The following KCNH8 variants were observed in gnomAD, a reference collection of about 807,000 sequenced individuals.
The protein encoded by KCNH8 is voltage-gated delayed rectifier potassium channel KCNH8.
KCNH8 carries 70 observed loss-of-function variants against 103.6 expected under a neutral mutation model. That is an observed-to-expected ratio of 0.68 (90% CI 0.56 to 0.82). The LOEUF (loss-of-function observed/expected upper bound fraction) is 0.82, where lower values mean the gene tolerates loss of function less well. KCNH8 is among the 40% of genes least tolerant of loss of function. KCNH8 has a pLI of 0.00. For synonymous variants in KCNH8, 498 were observed against 489.4 expected, an observed-to-expected ratio of 1.02 and a Z score of -0.23; for missense variants, 1,217 against 1,329.9, an observed-to-expected ratio of 0.92 and a Z score of 1.32.
intron 3 of KCNH8, among the ~76,000 whole-genome samples, chr3:19,328,335 T>C (rs189081556): frequency 5.3e-5 from 8 of 152,302 alleles, no homozygotes; most frequent in African/African-American, 1.9e-4. Context: ...ATGTTTCTGA[T>C]GGTTATTAAT....
At chr3:19,190,976 A>G (rs2063546717) in intron 1 of KCNH8, among the ~76,000 whole-genome samples, 1 of 151,916 alleles carries the variant, frequency 6.6e-6, no homozygotes, top group African/African-American at 2.4e-5. Flanking sequence ...TGTTGGTCAC[A>G]TACTTTAATT....
At chr3:19,161,558 A>G (rs552701232) in intron 1 of KCNH8, among the ~76,000 whole-genome samples, 2 of 152,200 alleles carry the variant, frequency 1.3e-5, no homozygotes, top group Non-Finnish European at 2.9e-5. Context: ...AACTTTAATA[A>G]TGGTTGAACT....
chr3:19,451,219 T>TA lies in KCNH8; in HGVS notation c.1641dup (p.Gln548ThrfsTer6), dbSNP rs2067442661. 2 of 1,613,736 alleles carry TA rather than the reference T, an allele frequency of 1.2e-6. No homozygotes were observed. The highest frequency in any genetic ancestry group is 1.7e-6 in the Non-Finnish European group (2 of 1,179,774). ...ACTATGCACTTGAACAAGGAGATCT[T>TA]ACAGTTGTCCCTTTTTGAATGTGCC... On this transcript the variant is annotated frameshift_variant, in exon 10 of 16. Transcript: ENST00000328405. LOFTEE classifies it high-confidence loss of function.
intron 7 of KCNH8, among the ~76,000 whole-genome samples, chr3:19,417,408 C>T (rs953349580): frequency 6.6e-6 from 1 of 151,368 alleles, no homozygotes; most frequent in African/African-American, 2.4e-5. Flanking sequence ...GTTATCTACC[C>T]ATAAAAGGCC....
Position 19,174,784 on chromosome 3 carries a change from G to A in KCNH8, c.76+25989G>A, listed in dbSNP as rs192971596. 2.6e-5 allele frequency among the ~76,000 whole-genome samples: 4 copies of A among 152,268 alleles called. No individual in the cohort carries two copies. In the East Asian group the frequency reaches 7.7e-4, roughly 29 times the overall value. On this transcript the variant is annotated intron_variant, in intron 1 of 15. Coordinates refer to ENST00000328405, the MANE Select transcript of KCNH8 (RefSeq NM_144633.3). ...TTAAAGTCTGGAGGGTTAAAAAGAA[G>A]AAATATATGCAATTTAAAATATTTT...
At position 19,327,983 on chromosome 3, in the gene KCNH8, A is replaced by G. The variant is rs910986654; in HGVS notation, c.443-14604A>G. ...TTAACTGAAACTTAAGAGATGCTCA[A>G]TAAGTGTTACTTTATTTCTTCCTGT... On this transcript the variant is annotated intron_variant, in intron 3 of 15. Transcript: ENST00000328405. 2.6e-5 allele frequency among the ~76,000 whole-genome samples: 4 copies of G among 152,352 alleles called. No individual in the cohort carries two copies. The East Asian group carries it at 7.7e-4, about 29-fold the overall frequency.
chr3:19,375,406 G>T (rs2066178033), intron 5 of KCNH8, among the ~76,000 whole-genome samples: 1 of 151,068 alleles, frequency 6.6e-6, no homozygotes, highest in East Asian at 1.9e-4. Context: ...ATCGGCTCCT[G>T]AGGCTTCTGC....
At chr3:19,410,553 C>T (rs919355114) in intron 7 of KCNH8, among the ~76,000 whole-genome samples, 1 of 151,784 alleles carries the variant, frequency 6.6e-6, no homozygotes, top group Non-Finnish European at 1.5e-5. Flanking sequence ...CGGAGTGGAA[C>T]TGAATAAAAT....
intron 2 of KCNH8, among the ~76,000 whole-genome samples, chr3:19,272,802 T>G (rs959843216): frequency 3.3e-5 from 5 of 152,178 alleles, no homozygotes; most frequent in Admixed American, 1.3e-4. Flanking sequence ...TCCTTTTTCT[T>G]TTTTCCTATA....
chr3:19,382,778 A>G (rs1298017250), intron 5 of KCNH8, among the ~76,000 whole-genome samples: 1 of 152,132 alleles, frequency 6.6e-6, no homozygotes, highest in Non-Finnish European at 1.5e-5. Flanking sequence ...CTTTACAAAA[A>G]CACCTATCAG....
chr3:19,222,141 G>A (rs183438450), intron 1 of KCNH8, among the ~76,000 whole-genome samples: 2 of 152,120 alleles, frequency 1.3e-5, no homozygotes, highest in African/African-American at 2.4e-5. Flanking sequence ...GAGCCACTGC[G>A]CCCGGCCTAG....
chr3:19,317,172 G>A (rs2065285323), intron 3 of KCNH8, among the ~76,000 whole-genome samples: 1 of 151,778 alleles, frequency 6.6e-6, no homozygotes, highest in Non-Finnish European at 1.5e-5. Flanking sequence ...GTAAGACATT[G>A]GAGAATACTA....
intron 1 of KCNH8, among the ~76,000 whole-genome samples, chr3:19,172,916 C>T (rs1010730034): frequency 3.9e-5 from 6 of 151,918 alleles, no homozygotes; most frequent in African/African-American, 1.5e-4. Flanking sequence ...ATCTGCTTAC[C>T]TATATGCCTT....
chr3:19,160,050 A>T (rs1005935497), intron 1 of KCNH8, among the ~76,000 whole-genome samples: 2 of 152,122 alleles, frequency 1.3e-5, no homozygotes, highest in Admixed American at 6.5e-5. Context: ...TTTCTAAGAA[A>T]ATTGATGATG....
intron 5 of KCNH8, among the ~76,000 whole-genome samples, chr3:19,349,818 T>C (rs1001144974): frequency 6.6e-6 from 1 of 152,138 alleles, no homozygotes; most frequent in African/African-American, 2.4e-5. Flanking sequence ...TAAATTCTTC[T>C]GTGTTTTTTA....
intron 11 of KCNH8, among the ~76,000 whole-genome samples, chr3:19,472,235 TG>T (rs2067875782): frequency 4.1e-5 from 6 of 146,888 alleles, no homozygotes; most frequent in African/African-American, 1.6e-4. Flanking sequence ...TGTGTGTGTG[TG>T]TGTGTGTGTG....
intron 2 of KCNH8, among the ~76,000 whole-genome samples, chr3:19,277,132 T>A (rs11717492): frequency 0.36 from 54,252 of 152,014 alleles, 12,362 homozygotes; most frequent in Non-Finnish European, 0.51. Context: ...CTCATTCATA[T>A]TTGAGAGCTA....
At chr3:19,229,009 T>TAATTTC (rs1171715301) in intron 1 of KCNH8, among the ~76,000 whole-genome samples, 14 of 152,342 alleles carry the variant, frequency 9.2e-5, no homozygotes, top group East Asian at 3.9e-4. Context: ...AGGACATTTA[T>TAATTTC]AATTTCAAGT....
intron 1 of KCNH8, among the ~76,000 whole-genome samples, chr3:19,200,286 C>T (rs772757463): frequency 2.3e-4 from 35 of 151,556 alleles, no homozygotes; most frequent in Non-Finnish European, 4.4e-4. Context: ...GTATTCAGAC[C>T]GAAACATAAG....
Sources: gnomAD v4.1 joint callset for allele counts (sites outside exome capture counted in the v4.1 genomes callset) on GRCh38, gnomAD v4.1.1 for gene constraint, MANE v1.5 for transcripts, NCBI Gene and HGNC (gene_info 2026-07-23, HGNC 2026-07-21) for gene names.